ARID1B: variants seen among roughly 807,000 people sequenced by gnomAD.
ARID1B encodes AT-rich interaction domain 1B.
In ARID1B, 30 loss-of-function variants were observed where a neutral mutation model predicts 212.3. The observed-to-expected ratio is 0.14, with a 90% CI of 0.11 to 0.19. The LOEUF (loss-of-function observed/expected upper bound fraction) is 0.19, where lower values mean the gene tolerates loss of function less well. Ranked by LOEUF, ARID1B falls within the 10% of genes least tolerant of loss-of-function variation. The pLI is 1.00. For missense variants in ARID1B, 2,891 were observed against 3,204.0 expected (o/e 0.90, Z 2.36); for synonymous variants, 1,402 against 1,301.7 (o/e 1.08, Z -1.66).
intron 2 of ARID1B, among the ~76,000 whole-genome samples, chr6:156,839,342 C>A (rs889766662): frequency 6.6e-6 from 1 of 152,184 alleles, no homozygotes; most frequent in Non-Finnish European, 1.5e-5. Flanking sequence ...TGGCTCAGAT[C>A]TCTCTTCCTC....
chr6:157,194,258 G>C (rs1345999377), intron 15 of ARID1B: 1 of 152,056 alleles, frequency 6.6e-6, no homozygotes, highest in Non-Finnish European at 1.5e-5. Context: ...TTCTATCTCT[G>C]TTTTCACATC....
upstream of ARID1B, chr6:156,777,172 C>A: frequency 1.3e-5 from 2 of 151,778 alleles, no homozygotes; most frequent in South Asian, 3.7e-4. Flanking sequence ...TCCGGCCGCC[C>A]CACGCCGCCG....
intron 2 of ARID1B, among the ~76,000 whole-genome samples, chr6:156,896,576 C>CAAAAAAAAA (rs72490811): frequency 7.2e-4 from 33 of 45,908 alleles, no homozygotes; most frequent in African/African-American, 1.4e-3. Flanking sequence ...AACTGCGTCT[C>CAAAAAAAAA]AAAAAAAAAA....
At chr6:156,973,552 TA>T (rs1359348594) in intron 4 of ARID1B, among the ~76,000 whole-genome samples, 1 of 152,250 alleles carries the variant, frequency 6.6e-6, no homozygotes, top group Non-Finnish European at 1.5e-5. Context: ...GTTATTGGTT[TA>T]AACAGAACTT....
At chr6:157,182,803 A>G (rs1305102938) in intron 12 of ARID1B, among the ~76,000 whole-genome samples, 1 of 151,996 alleles carries the variant, frequency 6.6e-6, no homozygotes, top group Non-Finnish European at 1.5e-5. Context: ...CCTCTCTCTG[A>G]CCTGGACTCC....
intron 1 of ARID1B, among the ~76,000 whole-genome samples, chr6:156,825,460 C>T (rs897765551): frequency 2.0e-5 from 3 of 152,130 alleles, no homozygotes; most frequent in African/African-American, 4.8e-5. Context: ...ACATTTTTGA[C>T]ATGGTGCAAA....
chr6:157,088,344 C>T lies in ARID1B; in HGVS notation c.2491+3439C>T, dbSNP rs190547334. ...TTTCTCTTTGTTCCCACAGCTAAGC[C>T]GAGGGCCACTCAAATGTCAGTTTTT... On this transcript the variant is annotated intron_variant, in intron 5 of 19. Coordinates refer to ENST00000636930, the MANE Select transcript of ARID1B (RefSeq NM_001374828.1). 5.8e-3 allele frequency among the ~76,000 whole-genome samples: 887 copies of T among 152,256 alleles called. 1 individual carries two copies. Among genetic ancestry groups the T allele is most frequent in the Middle Eastern group, 0.027 (8 of 294 alleles).
chr6:156,991,214 A>G (rs1778256359), intron 4 of ARID1B, among the ~76,000 whole-genome samples: 1 of 151,998 alleles, frequency 6.6e-6, no homozygotes, highest in African/African-American at 2.4e-5. Flanking sequence ...ATGGGGATGC[A>G]TTTCTTTCTT....
intron 4 of ARID1B, among the ~76,000 whole-genome samples, chr6:157,010,761 G>GA (rs1428151934): frequency 6.6e-6 from 1 of 152,094 alleles, no homozygotes; most frequent in East Asian, 1.9e-4. Context: ...GTGTGAAACT[G>GA]AAAAATCTTT....
intron 6 of ARID1B, among the ~76,000 whole-genome samples, chr6:157,118,021 T>C (rs1004530599): frequency 1.3e-5 from 2 of 152,176 alleles, no homozygotes; most frequent in Non-Finnish European, 2.9e-5. Context: ...CCAGGGGCAT[T>C]TAGATAGAAA....
chr6:156,933,401 T>C (rs995679071), intron 3 of ARID1B, among the ~76,000 whole-genome samples: 15 of 152,226 alleles, frequency 9.9e-5, no homozygotes, highest in African/African-American at 3.6e-4. Context: ...GTGCCCTGCT[T>C]GATTTGAAAT....
At chr6:157,064,247 G>A (rs1245507114) in intron 4 of ARID1B, among the ~76,000 whole-genome samples, 3 of 152,200 alleles carry the variant, frequency 2.0e-5, no homozygotes, top group African/African-American at 4.8e-5. Context: ...TATCTGGTCT[G>A]ACGATAGGTA....
chr6:156,849,311 A>G (rs1228915504), intron 2 of ARID1B, among the ~76,000 whole-genome samples: 7 of 152,282 alleles, frequency 4.6e-5, no homozygotes, highest in Admixed American at 4.6e-4. Context: ...AGAGTTTTAT[A>G]TACTAAATCA....
intron 6 of ARID1B, among the ~76,000 whole-genome samples, chr6:157,112,501 C>T (rs1455145320): frequency 6.6e-6 from 1 of 152,214 alleles, no homozygotes; most frequent in Non-Finnish European, 1.5e-5. Context: ...CCTGTAACAT[C>T]ACTCTCACTG....
intron 2 of ARID1B, among the ~76,000 whole-genome samples, chr6:156,867,579 A>T (rs1014505286): frequency 6.7e-6 from 1 of 150,138 alleles, no homozygotes; most frequent in Non-Finnish European, 1.5e-5. Context: ...CACCTGATTA[A>T]TTTTTTTTTT....
chr6:156,845,125 G>A lies in ARID1B; in HGVS notation c.1986+15704G>A, dbSNP rs570939162. On this transcript the variant is annotated intron_variant, in intron 2 of 19. Transcript: ENST00000636930. Reference sequence around the variant, plus strand: ...CCGGGGATGCATTCAGGTGGCTTAAGTTCTTTTAATTAGACCAGCCATACT... The same window carrying A: ...CCGGGGATGCATTCAGGTGGCTTAAATTCTTTTAATTAGACCAGCCATACT... Among the ~76,000 whole-genome samples the A allele has an allele frequency of 1.9e-3, 283 of 152,346 alleles. 4 individuals are homozygous for A. The highest frequency in any genetic ancestry group is 0.017 in the Middle Eastern group (5 of 294).
chr6:156,882,149 C>G (rs921640377), intron 2 of ARID1B, among the ~76,000 whole-genome samples: 8 of 152,108 alleles, frequency 5.3e-5, no homozygotes, highest in Non-Finnish European at 1.0e-4. Context: ...TGCAGCTGTT[C>G]AACAGATCTT....
At chr6:157,175,262 G>A (rs545993090) in intron 11 of ARID1B, 25 of 216,966 alleles carry the variant, frequency 1.2e-4, no homozygotes, top group Non-Finnish European at 1.6e-4. Context: ...CAAAGCATGC[G>A]AGTGTGTTAA....
chr6:156,935,606 G>A (rs765862009), intron 4 of ARID1B, 30 bp downstream of exon 4: 41 of 1,549,614 alleles, frequency 2.6e-5, no homozygotes, highest in African/African-American at 4.1e-5. Context: ...ATTTGGAAAT[G>A]TAATGAGTTA....
Sources: gnomAD v4.1 joint callset for allele counts (sites outside exome capture counted in the v4.1 genomes callset) on GRCh38, gnomAD v4.1.1 for gene constraint, MANE v1.5 for transcripts, NCBI Gene and HGNC (gene_info 2026-07-23, HGNC 2026-07-21) for gene names.